The following PIP4K2A variants were observed in gnomAD, a reference collection of about 807,000 sequenced individuals.
The protein encoded by PIP4K2A is phosphatidylinositol 5-phosphate 4-kinase type-2 alpha.
In PIP4K2A, 14 loss-of-function variants were observed where a neutral mutation model predicts 42.9. That is an observed-to-expected ratio of 0.33 (90% CI 0.22 to 0.51). PIP4K2A has a LOEUF of 0.51. Ranked by LOEUF, PIP4K2A falls within the 20% of genes least tolerant of loss-of-function variation. The pLI is 0.97. For synonymous variants in PIP4K2A, 192 were observed against 192.2 expected, an observed-to-expected ratio of 1.00 and a Z score of 0.01; for missense variants, 434 against 519.8, an observed-to-expected ratio of 0.83 and a Z score of 1.61.
intron 7 of PIP4K2A, among the ~76,000 whole-genome samples, chr10:22,549,849 AAAAAAAAAAAAAAAAAAAAAAAAAAG>A (rs1836356417): frequency 2.8e-5 from 2 of 70,226 alleles, no homozygotes; most frequent in Admixed American, 1.1e-4. Context: ...AAAAAAAAAA[AAAAAAAAAAAAAAAAAAAAAAAAAAG>A]AAAGGAAAGA....
At chr10:22,619,402 A>G (rs1564445464) in intron 1 of PIP4K2A, among the ~76,000 whole-genome samples, 1 of 151,084 alleles carries the variant, frequency 6.6e-6, no homozygotes, top group Non-Finnish European at 1.5e-5. Context: ...AATTTTCTAC[A>G]GCTGCTTCAT....
intron 1 of PIP4K2A, among the ~76,000 whole-genome samples, chr10:22,658,549 G>A (rs1839144885): frequency 6.6e-6 from 1 of 152,224 alleles, no homozygotes; most frequent in Non-Finnish European, 1.5e-5. Flanking sequence ...CAGGGAGACA[G>A]TGAATTCAAG....
chr10:22,612,293 T>C (rs971754235), intron 1 of PIP4K2A, among the ~76,000 whole-genome samples: 11 of 152,132 alleles, frequency 7.2e-5, no homozygotes, highest in African/African-American at 2.4e-4. Flanking sequence ...ACTCTAACAA[T>C]GACAGAGTCA....
chr10:22,672,140 T>C (rs1016290068), intron 1 of PIP4K2A, among the ~76,000 whole-genome samples: 1 of 152,130 alleles, frequency 6.6e-6, no homozygotes, highest in African/African-American at 2.4e-5. Context: ...CGATGTACAA[T>C]AGGCAGTTAT....
chr10:22,699,654 A>G (rs1451244331), intron 1 of PIP4K2A, among the ~76,000 whole-genome samples: 2 of 152,150 alleles, frequency 1.3e-5, no homozygotes, highest in Non-Finnish European at 2.9e-5. Flanking sequence ...TACCACATCT[A>G]TACCTGGTTA....
intron 1 of PIP4K2A, among the ~76,000 whole-genome samples, chr10:22,633,232 CTT>C (rs1017245408): frequency 2.0e-5 from 3 of 152,148 alleles, no homozygotes; most frequent in African/African-American, 4.8e-5. Flanking sequence ...TCAACTGCCT[CTT>C]GTTTTATAAA....
intron 1 of PIP4K2A, among the ~76,000 whole-genome samples, chr10:22,617,475 T>C (rs1171320033): frequency 6.6e-6 from 1 of 152,228 alleles, no homozygotes; most frequent in Non-Finnish European, 1.5e-5. Context: ...GGCACTTAAT[T>C]AATTCAGATA....
intron 1 of PIP4K2A, among the ~76,000 whole-genome samples, chr10:22,672,839 C>T (rs1029373837): frequency 7.2e-5 from 11 of 152,216 alleles, no homozygotes; most frequent in Non-Finnish European, 1.2e-4. Context: ...CAGCCCTCAA[C>T]GTCCTAAAAA....
chr10:22,610,730 T>C (rs1027908480), intron 1 of PIP4K2A, among the ~76,000 whole-genome samples: 2 of 152,154 alleles, frequency 1.3e-5, no homozygotes, highest in Non-Finnish European at 2.9e-5. Flanking sequence ...CAAATGCCAG[T>C]TTCAACACTT....
chr10:22,550,543 A>G (rs58255702), intron 7 of PIP4K2A, 116 bp downstream of exon 7: 12 of 719,276 alleles, frequency 1.7e-5, no homozygotes, highest in Admixed American at 4.7e-5. Flanking sequence ...CCTAAGGTAG[A>G]GTATGCAGGT....
intron 1 of PIP4K2A, among the ~76,000 whole-genome samples, chr10:22,688,114 C>G (rs150946410): frequency 0.012 from 1,876 of 152,260 alleles, 45 homozygotes; most frequent in African/African-American, 0.041. Context: ...AACATCTCAC[C>G]TGAAAATGTA....
chr10:22,544,318 T>TGGTGGG (rs1836206332), intron 7 of PIP4K2A, among the ~76,000 whole-genome samples: 1 of 137,082 alleles, frequency 7.3e-6, no homozygotes, highest in Non-Finnish European at 1.6e-5. Flanking sequence ...TTGAGGGGTA[T>TGGTGGG]GGTGGGGGTG....
intron 4 of PIP4K2A, among the ~76,000 whole-genome samples, chr10:22,574,713 A>C (rs920542445): frequency 1.3e-5 from 2 of 152,200 alleles, no homozygotes; most frequent in South Asian, 4.1e-4. Context: ...TATAAATTTT[A>C]ATCTCATGTA....
At chr10:22,669,770 A>G (rs561282324) in intron 1 of PIP4K2A, among the ~76,000 whole-genome samples, 2 of 152,294 alleles carry the variant, frequency 1.3e-5, no homozygotes, top group South Asian at 2.1e-4. Flanking sequence ...TCACTTTTTT[A>G]CCAACCGTTT....
At chr10:22,542,195 C>T (rs1836138670) in intron 7 of PIP4K2A, 148 bp from the exon 8 acceptor site, 2 of 637,454 alleles carry the variant, frequency 3.1e-6, no homozygotes, top group Non-Finnish European at 5.5e-6. Flanking sequence ...TGCTCTTACA[C>T]TCCTGGGCTG....
chr10:22,619,641 TAGCC>T (rs1169223349), intron 1 of PIP4K2A, among the ~76,000 whole-genome samples: 1 of 152,090 alleles, frequency 6.6e-6, no homozygotes, highest in Non-Finnish European at 1.5e-5. Context: ...TTCACCATGT[TAGCC>T]AGGCTGGTCT....
intron 1 of PIP4K2A, among the ~76,000 whole-genome samples, chr10:22,677,802 A>T (rs977297962): frequency 1.3e-5 from 2 of 152,348 alleles, no homozygotes; most frequent in Admixed American, 6.5e-5. Context: ...CAGCTAAAAT[A>T]TAATCTAGCA....
At position 22,580,684 on chromosome 10, in the gene PIP4K2A, C is replaced by T. The variant is rs12254487; in HGVS notation, c.493-7227G>A. On this transcript the variant is annotated intron_variant, in intron 4 of 9. Transcript: ENST00000376573. ...CTGAGGAACCTTTGCCTCCTCTCTT[C>T]CACATGTTTAACTTCCAGATTACAA... 5.9e-3 allele frequency among the ~76,000 whole-genome samples: 899 copies of T among 152,342 alleles called. 7 individuals carry two copies. Among genetic ancestry groups the T allele is most frequent in the African/African-American group, 0.02 (848 of 41,566 alleles).
intron 1 of PIP4K2A, among the ~76,000 whole-genome samples, chr10:22,631,755 G>T (rs948375648): frequency 3.3e-5 from 5 of 152,144 alleles, no homozygotes; most frequent in Non-Finnish European, 7.4e-5. Flanking sequence ...TACACATTAA[G>T]AATCAGCAAT....
Sources: gnomAD v4.1 joint callset for allele counts (sites outside exome capture counted in the v4.1 genomes callset) on GRCh38, gnomAD v4.1.1 for gene constraint, MANE v1.5 for transcripts, NCBI Gene and HGNC (gene_info 2026-07-23, HGNC 2026-07-21) for gene names.